Variants in C11orf65 observed in about 807,000 individuals in gnomAD.
C11orf65 encodes the protein protein MFI.
C11orf65 carries 38 observed loss-of-function variants against 35.3 expected under a neutral mutation model. The observed-to-expected ratio is 1.08, with a 90% CI of 0.83 to 1.41. The LOEUF (loss-of-function observed/expected upper bound fraction) is 1.41. Ranked by LOEUF, C11orf65 falls within the 40% of genes most tolerant of loss-of-function variation. The pLI is 0.00. For missense variants in C11orf65, 370 were observed against 367.1 expected (o/e 1.01, Z -0.06); for synonymous variants, 105 against 114.4 (o/e 0.92, Z 0.53).
intron 3 of C11orf65, among the ~76,000 whole-genome samples, chr11:108,409,735 G>A (rs2092621804): frequency 6.6e-6 from 1 of 152,108 alleles, no homozygotes; most frequent in African/African-American, 2.4e-5. Context: ...TACTGCCTGA[G>A]CTCCCCATCC....
intron 6 of C11orf65, chr11:108,312,516 T>G (rs754321130): frequency 2.0e-6 from 3 of 1,487,444 alleles, no homozygotes; most frequent in Non-Finnish European, 2.8e-6. Context: ...TTAGAGGCTC[T>G]ATTATTTATG....
chr11:108,431,745 C>A lies in C11orf65; in HGVS notation c.174+1G>T, dbSNP rs770355334. The A allele has an allele frequency of 2.1e-6, 3 of 1,437,450 alleles. No individual in the cohort carries two copies. The Admixed American group carries it at 5.8e-5, about 28-fold the overall frequency. 89.0% of individuals were successfully genotyped at this position (1,437,450 alleles called of 1,614,324 possible). On this transcript the variant is annotated splice_donor_variant, in intron 3 of 8. Transcript: ENST00000393084. LOFTEE classifies it high-confidence loss of function. ...GCTATATCAATAAGTAATGTCCTTACCTCTTTGGGATTAATATATTTCACT... is the reference window on the plus strand; with the variant it reads ...GCTATATCAATAAGTAATGTCCTTAACTCTTTGGGATTAATATATTTCACT...
chr11:108,445,893 G>A (rs953512659), intron 2 of C11orf65, among the ~76,000 whole-genome samples: 2 of 152,122 alleles, frequency 1.3e-5, no homozygotes, highest in Non-Finnish European at 2.9e-5. Context: ...TAGACGAATG[G>A]ATAACTAGAA....
rs773149592 is a variant in C11orf65 at position 108,345,814 on chromosome 11, T to C, written c.227-10522A>G. The C allele has an allele frequency of 6.2e-7, 1 of 1,613,946 alleles. No individual in the cohort carries two copies. Among genetic ancestry groups the C allele is most frequent in the Non-Finnish European group, 8.5e-7 (1 of 1,179,884 alleles). On this transcript the variant is annotated intron_variant, in intron 2 of 3. Transcript: ENST00000524755. The stretch of plus-strand genomic sequence containing the variant: ...ATGTTTGCCAAAATTTTCAACCAGT[T>C]TTCCGTTACTTCTGCATGGAAAAAT...
At chr11:108,426,027 C>T (rs891402694) in intron 3 of C11orf65, among the ~76,000 whole-genome samples, 9 of 152,084 alleles carry the variant, frequency 5.9e-5, no homozygotes, top group African/African-American at 2.2e-4. Flanking sequence ...TATGACAAAC[C>T]CACAGCCAAT....
chr11:108,460,427 T>C (rs575690965), intron 2 of C11orf65, among the ~76,000 whole-genome samples: 1 of 152,286 alleles, frequency 6.6e-6, no homozygotes, highest in East Asian at 1.9e-4. Flanking sequence ...TCTACCCTTA[T>C]AAAAGCACAA....
At chr11:108,394,166 C>A (rs2092247112) in intron 6 of C11orf65, among the ~76,000 whole-genome samples, 1 of 108,236 alleles carries the variant, frequency 9.2e-6, no homozygotes, top group African/African-American at 3.4e-5. Flanking sequence ...GGCGACAGAG[C>A]AAGACTCCAT....
downstream of C11orf65, among the ~76,000 whole-genome samples, chr11:108,378,761 C>T: frequency 1.4e-5 from 2 of 142,864 alleles, no homozygotes; most frequent in African/African-American, 2.7e-5. Context: ...CCAGAATCTA[C>T]AATGAACTCA....
At chr11:108,414,106 A>T (rs7946955) in intron 3 of C11orf65, among the ~76,000 whole-genome samples, 1 of 151,704 alleles carries the variant, frequency 6.6e-6, no homozygotes, top group Admixed American at 6.6e-5. Flanking sequence ...GAAATCTATA[A>T]AGAAAATAAA....
chr11:108,398,056 G>C (rs2092360330), intron 6 of C11orf65, among the ~76,000 whole-genome samples: 1 of 152,174 alleles, frequency 6.6e-6, no homozygotes, highest in South Asian at 2.1e-4. Context: ...TGAAGATGTT[G>C]TTGCCATGCA....
chr11:108,399,835 C>T (rs1358787732), intron 6 of C11orf65, among the ~76,000 whole-genome samples: 1 of 152,190 alleles, frequency 6.6e-6, no homozygotes, highest in Non-Finnish European at 1.5e-5. Context: ...GTCAAGCAAC[C>T]AGTCTCTACC....
In C11orf65 at chr11:108,335,884, G is replaced by A. The variant is rs1215175886; in HGVS notation, c.227-592C>T. The A allele has an allele frequency of 6.2e-7, 1 of 1,614,012 alleles. No homozygotes were observed. Among genetic ancestry groups the A allele is most frequent in the Non-Finnish European group, 8.5e-7 (1 of 1,179,974 alleles). On this transcript the variant is annotated intron_variant, in intron 2 of 3. Coordinates refer to the C11orf65 transcript ENST00000524755. ...GAGACAAGATGCTGTCATGCAACAGGTCTTCCAGATGTGTAATACATTACT... is the reference window on the plus strand; with the variant it reads ...GAGACAAGATGCTGTCATGCAACAGATCTTCCAGATGTGTAATACATTACT...
chr11:108,466,103 G>T (rs2093533814), intron 1 of C11orf65, among the ~76,000 whole-genome samples: 1 of 152,150 alleles, frequency 6.6e-6, no homozygotes, highest in African/African-American at 2.4e-5. Context: ...GCAAAAAAAG[G>T]GATAAGTTAA....
intron 2 of C11orf65, among the ~76,000 whole-genome samples, chr11:108,343,044 C>T (rs2087779647): frequency 6.6e-6 from 1 of 152,154 alleles, no homozygotes; most frequent in Non-Finnish European, 1.5e-5. Flanking sequence ...AAATTATATT[C>T]TTTGAGCTTA....
intron 3 of C11orf65, among the ~76,000 whole-genome samples, chr11:108,411,539 A>T (rs960258026): frequency 6.6e-6 from 1 of 152,104 alleles, no homozygotes; most frequent in African/African-American, 2.4e-5. Flanking sequence ...TCTGTACTAA[A>T]TTTTTTTGTG....
intron 2 of C11orf65, among the ~76,000 whole-genome samples, chr11:108,351,967 A>G (rs1031777926): frequency 8.5e-5 from 13 of 152,138 alleles, no homozygotes; most frequent in African/African-American, 3.1e-4. Flanking sequence ...CCCTTTCCCT[A>G]TTGAGTGTCA....
At chr11:108,408,003 A>T (rs1274723430) in intron 3 of C11orf65, among the ~76,000 whole-genome samples, 34 of 52,420 alleles carry the variant, frequency 6.5e-4, no homozygotes, top group Non-Finnish European at 1.1e-3. Context: ...TCTTTTTATT[A>T]TTATTATTAT....
chr11:108,341,518 ACGC>A (rs1269060399), intron 2 of C11orf65, among the ~76,000 whole-genome samples: 1 of 152,106 alleles, frequency 6.6e-6, no homozygotes, highest in African/African-American at 2.4e-5. Flanking sequence ...AACATGTAAT[ACGC>A]CCCCAACAAA....
At chr11:108,361,760 A>G (rs1386661004) in intron 2 of C11orf65, among the ~76,000 whole-genome samples, 2 of 152,094 alleles carry the variant, frequency 1.3e-5, no homozygotes, top group Non-Finnish European at 2.9e-5. Flanking sequence ...GAAAGCTGAA[A>G]CTGGATCCCT....
Sources: allele counts gnomAD v4.1 joint callset (sites outside exome capture counted in the v4.1 genomes callset), GRCh38; gene constraint gnomAD v4.1.1; transcripts MANE v1.5; gene names NCBI Gene and HGNC (gene_info 2026-07-23, HGNC 2026-07-21).